Variants in SCAPER observed in about 807,000 individuals in gnomAD.
SCAPER encodes S phase cyclin A-associated protein in the endoplasmic reticulum.
A neutral mutation model predicts 182.2 loss-of-function variants in SCAPER; 98 were observed. The observed-to-expected ratio is 0.54, with a 90% CI of 0.46 to 0.64. The LOEUF (loss-of-function observed/expected upper bound fraction) is 0.64, where lower values mean the gene tolerates loss of function less well. Ranked by LOEUF, SCAPER falls within the 30% of genes least tolerant of loss-of-function variation. The probability of loss-of-function intolerance (pLI) is 0.00; values close to 1 mark genes in which losing one functional copy is unlikely to be tolerated. For synonymous variants in SCAPER, 605 were observed against 564.6 expected (o/e 1.07, Z -1.01); for missense variants, 1,432 against 1,690.0 (o/e 0.85, Z 2.68).
chr15:76,837,256 T>A (rs1056621559), intron 5 of SCAPER, among the ~76,000 whole-genome samples: 4 of 152,156 alleles, frequency 2.6e-5, no homozygotes, highest in South Asian at 2.1e-4. Flanking sequence ...AACAAAGACA[T>A]AACACAGCCA....
chr15:76,618,938 G>A (rs964880285), intron 22 of SCAPER, among the ~76,000 whole-genome samples: 25 of 152,252 alleles, frequency 1.6e-4, no homozygotes, highest in African/African-American at 4.6e-4. Flanking sequence ...TCCACCTCCC[G>A]GGTTCGAGCG....
intron 16 of SCAPER, among the ~76,000 whole-genome samples, chr15:76,729,269 TAC>T (rs887755805): frequency 4.5e-4 from 62 of 139,082 alleles, no homozygotes; most frequent in Non-Finnish European, 7.6e-4. Context: ...TATATATATA[TAC>T]ACACACACAC....
intron 15 of SCAPER, among the ~76,000 whole-genome samples, chr15:76,749,161 A>G (rs539985632): frequency 6.6e-6 from 1 of 152,126 alleles, no homozygotes; most frequent in African/African-American, 2.4e-5. Context: ...ATAATATACT[A>G]TGAATACATA....
chr15:76,569,530 T>G (rs908401845), intron 23 of SCAPER, among the ~76,000 whole-genome samples: 1 of 152,140 alleles, frequency 6.6e-6, no homozygotes, highest in Non-Finnish European at 1.5e-5. Flanking sequence ...TTTGTGAACA[T>G]GGATTTCTTT....
intron 23 of SCAPER, among the ~76,000 whole-genome samples, chr15:76,537,577 T>C (rs2044293705): frequency 1.3e-5 from 2 of 152,042 alleles, no homozygotes; most frequent in South Asian, 2.1e-4. Context: ...TCAAGATGGA[T>C]TAAAGACTTA....
chr15:76,568,883 TTGA>T (rs2047235770), intron 23 of SCAPER, among the ~76,000 whole-genome samples: 2 of 151,920 alleles, frequency 1.3e-5, no homozygotes, highest in Non-Finnish European at 2.9e-5. Context: ...ATTTAATATT[TTGA>T]TAATATATAA....
intron 22 of SCAPER, among the ~76,000 whole-genome samples, chr15:76,589,537 C>T (rs1345355458): frequency 6.6e-6 from 1 of 152,116 alleles, no homozygotes; most frequent in East Asian, 1.9e-4. Context: ...CCCACTGTGC[C>T]CCCTGCAACA....
chr15:76,700,028 G>T (rs1490422488), intron 20 of SCAPER, among the ~76,000 whole-genome samples: 1 of 152,182 alleles, frequency 6.6e-6, no homozygotes, highest in African/African-American at 2.4e-5. Context: ...GTCAGGCAGG[G>T]TCTCCTGGGG....
chr15:76,421,465 G>T (rs2046034685), intron 26 of SCAPER, among the ~76,000 whole-genome samples: 1 of 152,122 alleles, frequency 6.6e-6, no homozygotes, highest in South Asian at 2.1e-4. Context: ...TTTTGATGGG[G>T]TTGTTTGTTT....
intron 20 of SCAPER, among the ~76,000 whole-genome samples, chr15:76,696,607 C>A (rs889049918): frequency 5.3e-5 from 8 of 151,984 alleles, no homozygotes; most frequent in African/African-American, 1.9e-4. Context: ...CTTTTAAATT[C>A]ATTCTACATG....
intron 16 of SCAPER, among the ~76,000 whole-genome samples, chr15:76,731,866 A>G (rs1325658793): frequency 6.6e-6 from 1 of 152,260 alleles, no homozygotes; most frequent in East Asian, 1.9e-4. Context: ...TTAAGTTTTA[A>G]TGAATGTTAA....
chr15:76,732,392 T>C (rs751845249), intron 16 of SCAPER, among the ~76,000 whole-genome samples: 31 of 152,142 alleles, frequency 2.0e-4, no homozygotes, highest in Non-Finnish European at 2.9e-4. Context: ...TAATCCTTGC[T>C]CTACAATCAT....
In SCAPER at chr15:76,490,831, G is replaced by A. The variant is rs117357387; in HGVS notation, c.2954+14028C>T. On this transcript the variant is annotated intron_variant, in intron 24 of 31. Coordinates refer to ENST00000563290, the MANE Select transcript of SCAPER (RefSeq NM_020843.4). ...TTCTTGTGTTAGGGTATAAGATAAGGGTCCAGTTTCATTCTTTTGCCTGTG... is the reference window on the plus strand; with the variant it reads ...TTCTTGTGTTAGGGTATAAGATAAGAGTCCAGTTTCATTCTTTTGCCTGTG... Among the ~76,000 whole-genome samples, 430 of 152,120 alleles carry A rather than the reference G, an allele frequency of 2.8e-3. 4 individuals are homozygous for A. The highest frequency in any genetic ancestry group is 4.3e-3 in the Non-Finnish European group (294 of 67,970).
chr15:76,466,711 T>C (rs1374121612), intron 25 of SCAPER, among the ~76,000 whole-genome samples: 5 of 150,198 alleles, frequency 3.3e-5, no homozygotes, highest in Non-Finnish European at 7.4e-5. Context: ...TTTTGTAGTA[T>C]GGAAAACCCT....
intron 23 of SCAPER, chr15:76,567,501 T>G (rs2047125398): frequency 3.2e-6 from 1 of 309,610 alleles, no homozygotes; most frequent in Admixed American, 3.8e-5. Flanking sequence ...TCACAAACAT[T>G]GTCTGTATGT....
chr15:76,353,811 C>T, intron 30 of SCAPER, 138 bp downstream of exon 30: 3 of 667,222 alleles, frequency 4.5e-6, no homozygotes, highest in Non-Finnish European at 4.6e-6. Flanking sequence ...TTTTAGAAAT[C>T]AATTTTGGAG....
intron 27 of SCAPER, among the ~76,000 whole-genome samples, chr15:76,394,174 G>A (rs558665066): frequency 1.9e-4 from 29 of 152,312 alleles, no homozygotes; most frequent in African/African-American, 6.0e-4. Flanking sequence ...ATATTAGTCT[G>A]CATGTTGCCA....
intron 1 of SCAPER, among the ~76,000 whole-genome samples, chr15:76,897,456 A>G (rs1299522680): frequency 6.6e-6 from 1 of 152,142 alleles, no homozygotes; most frequent in Admixed American, 6.5e-5. Flanking sequence ...CTGTAATCCT[A>G]GCACTTTGGG....
At chr15:76,830,938 T>C (rs751125484) in intron 5 of SCAPER, among the ~76,000 whole-genome samples, 4 of 152,048 alleles carry the variant, frequency 2.6e-5, no homozygotes, top group Admixed American at 2.0e-4. Context: ...CCGTGACCCA[T>C]TCCTGGCCCA....
Sources: allele counts gnomAD v4.1 joint callset (sites outside exome capture counted in the v4.1 genomes callset), GRCh38; gene constraint gnomAD v4.1.1; transcripts MANE v1.5; gene names NCBI Gene and HGNC (gene_info 2026-07-23, HGNC 2026-07-21).